Variants in ARSB observed in about 807,000 individuals in gnomAD.
The protein encoded by ARSB is arylsulfatase B.
Under a neutral mutation model 50.9 loss-of-function variants are expected in ARSB, and 41 were observed. That is an observed-to-expected ratio of 0.81 (90% CI 0.63 to 1.04). The LOEUF (loss-of-function observed/expected upper bound fraction) is 1.04, where lower values mean the gene tolerates loss of function less well. Ranked by LOEUF, ARSB falls within the 50% of genes least tolerant of loss-of-function variation. The probability of loss-of-function intolerance (pLI) is 0.00; values close to 1 mark genes in which losing one functional copy is unlikely to be tolerated. For synonymous variants in ARSB, 269 were observed against 284.8 expected, an observed-to-expected ratio of 0.94 and a Z score of 0.56; for missense variants, 672 against 693.3, an observed-to-expected ratio of 0.97 and a Z score of 0.35.
intron 4 of ARSB, among the ~76,000 whole-genome samples, chr5:78,954,757 G>A (rs1397217184): frequency 6.6e-6 from 1 of 152,130 alleles, no homozygotes; most frequent in Admixed American, 6.5e-5. Flanking sequence ...CACCCACCTC[G>A]GTCTCCCAAA....
At chr5:78,946,049 T>A (rs16876111) in intron 4 of ARSB, among the ~76,000 whole-genome samples, 6 of 152,208 alleles carry the variant, frequency 3.9e-5, no homozygotes, top group African/African-American at 1.4e-4. Context: ...TATCTTTTTA[T>A]CTGCAATGAA....
At chr5:78,851,201 C>T (rs1745758295) in intron 5 of ARSB, among the ~76,000 whole-genome samples, 2 of 152,178 alleles carry the variant, frequency 1.3e-5, no homozygotes, top group South Asian at 2.1e-4. Context: ...GCATTCAGTG[C>T]TATAAATTTC....
At chr5:78,804,587 A>G (rs1251057960) in intron 6 of ARSB, among the ~76,000 whole-genome samples, 1 of 152,248 alleles carries the variant, frequency 6.6e-6, no homozygotes, top group South Asian at 2.1e-4. Flanking sequence ...GACATGGCAG[A>G]TAATTAAGAC....
chr5:78,889,344 T>C (rs1037049019), intron 4 of ARSB, among the ~76,000 whole-genome samples: 1 of 152,250 alleles, frequency 6.6e-6, no homozygotes, highest in Non-Finnish European at 1.5e-5. Flanking sequence ...TCATTTTCCC[T>C]TCTAGTTTTA....
In ARSB at chr5:78,906,847, G is replaced by C. The variant is rs1361779228; in HGVS notation, c.899-21020C>G. ...TAATGAGAATGGGCTAAGGGAACTT[G>C]TGATACTTGTCTTGATTTTTTTTAA... is the stretch of plus-strand genomic sequence containing the variant. On this transcript the variant is annotated intron_variant, in intron 4 of 7. Coordinates refer to ENST00000264914, the MANE Select transcript of ARSB (RefSeq NM_000046.5). Among the ~76,000 whole-genome samples, 5 of 152,212 alleles carry C rather than the reference G, an allele frequency of 3.3e-5. No homozygotes were observed. The East Asian group carries it at 9.6e-4, about 29-fold the overall frequency.
At chr5:78,972,583 G>A (rs1005598183) in intron 1 of ARSB, among the ~76,000 whole-genome samples, 4 of 151,076 alleles carry the variant, frequency 2.6e-5, no homozygotes, top group Non-Finnish European at 5.9e-5. Flanking sequence ...AACTCTGGAA[G>A]CTTACTGAAG....
intron 3 of ARSB, 34 bp downstream of exon 3, chr5:78,964,382 G>C: frequency 6.3e-7 from 1 of 1,593,230 alleles, no homozygotes; most frequent in Non-Finnish European, 8.6e-7. Context: ...AGTGTAACAA[G>C]ATTTTGCTAT....
intron 4 of ARSB, among the ~76,000 whole-genome samples, chr5:78,915,458 C>G (rs1323124447): frequency 1.3e-5 from 2 of 152,114 alleles, no homozygotes; most frequent in Non-Finnish European, 2.9e-5. Context: ...TAACTCTACA[C>G]ACTAAAAGAA....
rs1472265793 is a variant in ARSB, at chr5:78,788,050, AGGGTTTCAGAT to A, written c.1214-6087_1214-6077del. 2.6e-5 allele frequency among the ~76,000 whole-genome samples: 4 copies of A among 152,356 alleles called. No homozygotes were observed. The South Asian group carries it at 8.3e-4, about 32-fold the overall frequency. ...GACATTACAGAAGCCAAGAGAGCAGAGGGTTTCAGATGGCGAATCAGAAGAGCCAAATATTC... is the reference window on the plus strand; with the variant it reads ...GACATTACAGAAGCCAAGAGAGCAGAGGCGAATCAGAAGAGCCAAATATTC... On this transcript the variant is annotated intron_variant, in intron 6 of 7. Coordinates refer to ENST00000264914, the MANE Select transcript of ARSB (RefSeq NM_000046.5).
At chr5:78,850,601 T>C (rs926895512) in intron 5 of ARSB, among the ~76,000 whole-genome samples, 3 of 152,210 alleles carry the variant, frequency 2.0e-5, no homozygotes, top group Admixed American at 6.5e-5. Context: ...ATTCTCTCTT[T>C]TTCTATTGAT....
intron 4 of ARSB, among the ~76,000 whole-genome samples, chr5:78,921,046 G>A (rs1278893567): frequency 2.6e-5 from 4 of 152,124 alleles, no homozygotes; most frequent in African/African-American, 4.8e-5. Flanking sequence ...AAACCTTGAT[G>A]AATTCAAAGC....
chr5:78,844,182 A>G (rs1745347122), intron 5 of ARSB, among the ~76,000 whole-genome samples: 1 of 152,152 alleles, frequency 6.6e-6, no homozygotes, highest in South Asian at 2.1e-4. Flanking sequence ...AAGTGCTTCA[A>G]TTTCTCCACA....
At chr5:78,954,190 C>A (rs543322863) in intron 4 of ARSB, among the ~76,000 whole-genome samples, 1 of 151,856 alleles carries the variant, frequency 6.6e-6, no homozygotes, top group Non-Finnish European at 1.5e-5. Context: ...GAAGGTGGGA[C>A]GGAGGGCCAC....
chr5:78,940,963 G>C (rs1054357220), intron 4 of ARSB, among the ~76,000 whole-genome samples: 4 of 152,020 alleles, frequency 2.6e-5, no homozygotes, highest in Admixed American at 2.6e-4. Flanking sequence ...ATTTCATTGA[G>C]CAGTGGTTTG....
chr5:78,787,495 C>T (rs1317447237), intron 6 of ARSB, among the ~76,000 whole-genome samples: 1 of 152,056 alleles, frequency 6.6e-6, no homozygotes, highest in Non-Finnish European at 1.5e-5. Flanking sequence ...GGACTAGATG[C>T]CAATTTAAGA....
Position 78,867,664 on chromosome 5 carries a change from A to C in ARSB, c.1142+17920T>G, listed in dbSNP as rs539225591. On this transcript the variant is annotated intron_variant, in intron 5 of 7. Transcript: ENST00000264914. ...AAGGACACCGAAAACCCATCTGTACATCACCATCATCAAAGACCAAAAGTA... is the reference window on the plus strand; with the variant it reads ...AAGGACACCGAAAACCCATCTGTACCTCACCATCATCAAAGACCAAAAGTA... 3.3e-5 allele frequency among the ~76,000 whole-genome samples: 5 copies of C among 152,218 alleles called. No homozygotes were observed. In the East Asian group the frequency reaches 7.7e-4, roughly 23 times the overall value.
intron 4 of ARSB, among the ~76,000 whole-genome samples, chr5:78,950,193 C>T (rs1395031139): frequency 1.3e-5 from 2 of 152,140 alleles, no homozygotes; most frequent in Non-Finnish European, 2.9e-5. Flanking sequence ...TTCTCTGGAC[C>T]ACTACCCTGC....
chr5:78,912,703 T>C (rs1749361823), intron 4 of ARSB, among the ~76,000 whole-genome samples: 1 of 152,212 alleles, frequency 6.6e-6, no homozygotes, highest in African/African-American at 2.4e-5. Flanking sequence ...TGAGAAAGCA[T>C]GTTTTGAGCT....
intron 6 of ARSB, among the ~76,000 whole-genome samples, chr5:78,830,076 A>G (rs1235844688): frequency 6.6e-6 from 1 of 152,248 alleles, no homozygotes; most frequent in Admixed American, 6.5e-5. Flanking sequence ...TTTTGTGTTG[A>G]AATTCAAAAT....
Sources: allele counts gnomAD v4.1 joint callset (sites outside exome capture counted in the v4.1 genomes callset), GRCh38; gene constraint gnomAD v4.1.1; transcripts MANE v1.5; gene names NCBI Gene and HGNC (gene_info 2026-07-23, HGNC 2026-07-21).